SOX5: variants seen among roughly 807,000 people sequenced by gnomAD.
SOX5 encodes transcription factor SOX-5.
In SOX5, 9 loss-of-function variants were observed where a neutral mutation model predicts 92.0. The ratio of observed to expected loss-of-function variants is 0.10; its 90% CI spans 0.06 to 0.17. The LOEUF (loss-of-function observed/expected upper bound fraction) is 0.17, where lower values mean the gene tolerates loss of function less well. SOX5 is among the 10% of genes least tolerant of loss of function. The pLI is 1.00. For synonymous variants in SOX5, 344 were observed against 336.3 expected (o/e 1.02, Z -0.25); for missense variants, 642 against 944.5 (o/e 0.68, Z 4.20).
chr12:24,165,435 T>G (rs1225835670), intron 4 of SOX5, among the ~76,000 whole-genome samples: 2 of 152,200 alleles, frequency 1.3e-5, no homozygotes, highest in Non-Finnish European at 2.9e-5. Context: ...TATCAGACTA[T>G]TCTAGATTAT....
chr12:23,973,388 T>C (rs763710017), intron 4 of SOX5, among the ~76,000 whole-genome samples: 1 of 152,070 alleles, frequency 6.6e-6, no homozygotes, highest in Non-Finnish European at 1.5e-5. Flanking sequence ...CTCGAACTCC[T>C]GACCTCATGA....
intron 2 of SOX5, among the ~76,000 whole-genome samples, chr12:23,895,417 T>C (rs549154021): frequency 7.8e-4 from 118 of 152,174 alleles, no homozygotes; most frequent in African/African-American, 2.6e-3. Flanking sequence ...TTGGAAATGT[T>C]CAAACTATGT....
chr12:24,250,206 T>C (rs2140150327), intron 3 of SOX5, among the ~76,000 whole-genome samples: 1 of 152,350 alleles, frequency 6.6e-6, no homozygotes, highest in East Asian at 1.9e-4. Context: ...GTAAAGTTTT[T>C]GTTCTGTTTA....
At chr12:24,428,726 CAAAAAAAAAAAAAAAAAAAA>C (rs57964050) in intron 1 of SOX5, among the ~76,000 whole-genome samples, 4 of 32,596 alleles carry the variant, frequency 1.2e-4, no homozygotes, top group Admixed American at 5.8e-4. Context: ...CTCTGTTTCT[CAAAAAAAAAAAAAAAAAAAA>C]AAAAAAAAAA....
intron 4 of SOX5, among the ~76,000 whole-genome samples, chr12:24,067,503 T>C (rs2137368902): frequency 6.6e-6 from 1 of 152,272 alleles, no homozygotes; most frequent in East Asian, 1.9e-4. Context: ...TCCTAGAAGT[T>C]AGAATGATTG....
chr12:23,913,341 T>C (rs2097372578), intron 1 of SOX5, among the ~76,000 whole-genome samples: 1 of 152,148 alleles, frequency 6.6e-6, no homozygotes, highest in African/African-American at 2.4e-5. Context: ...ACATGTTTTT[T>C]CTTTTCTTTT....
intron 2 of SOX5, among the ~76,000 whole-genome samples, chr12:24,346,154 G>A (rs1445549226): frequency 6.6e-6 from 1 of 152,118 alleles, no homozygotes; most frequent in Non-Finnish European, 1.5e-5. Context: ...TTGAAATGCG[G>A]GAAAACGAAC....
At chr12:24,081,983 C>A (rs1307973727) in intron 4 of SOX5, among the ~76,000 whole-genome samples, 1 of 151,874 alleles carries the variant, frequency 6.6e-6, no homozygotes, top group Non-Finnish European at 1.5e-5. Context: ...AAAGAATGAA[C>A]CCTGGGATAG....
chr12:23,530,818 T>TGTGTGTGTGTGTGTGTGTGCGCGC lies in SOX5; in HGVS notation c.*3400_*3401insGCGCGCACACACACACACACACAC. Reference sequence around the variant, plus strand: ...GGGCAAGTGTGTGTGTGTGTGTGTGTGCGCGCGCGCGCGCGCGCATGTGAG... The same window carrying TGTGTGTGTGTGTGTGTGTGCGCGC: ...GGGCAAGTGTGTGTGTGTGTGTGTGTGTGTGTGTGTGTGTGTGTGCGCGCGCGCGCGCGCGCGCGCGCATGTGAG... On this transcript the variant is annotated 3_prime_UTR_variant, in exon 15 of 15. Transcript: ENST00000451604. The TGTGTGTGTGTGTGTGTGTGCGCGC allele has an allele frequency of 2.9e-3, 379 of 132,036 alleles. 4 individuals are homozygous for TGTGTGTGTGTGTGTGTGTGCGCGC. Among genetic ancestry groups the TGTGTGTGTGTGTGTGTGTGCGCGC allele is most frequent in the Non-Finnish European group, 4.4e-3 (266 of 60,738 alleles). 8.2% of individuals were successfully genotyped at this position (132,036 alleles called of 1,614,324 possible).
chr12:23,847,234 T>A (rs1390160788), intron 2 of SOX5, among the ~76,000 whole-genome samples: 1 of 152,088 alleles, frequency 6.6e-6, no homozygotes, highest in Non-Finnish European at 1.5e-5. Context: ...TAAAGCTGTA[T>A]CCTAAGATCT....
intron 4 of SOX5, among the ~76,000 whole-genome samples, chr12:24,068,720 A>G (rs867694705): frequency 0.063 from 4,464 of 71,134 alleles, 98 homozygotes; most frequent in Non-Finnish European, 0.081. Context: ...ATATATATAT[A>G]TATATATATA....
intron 6 of SOX5, among the ~76,000 whole-genome samples, chr12:23,667,639 G>A (rs1264268278): frequency 1.3e-5 from 2 of 152,166 alleles, no homozygotes; most frequent in African/African-American, 2.4e-5. Flanking sequence ...CCAAACTTAC[G>A]CTGGAACTGC....
intron 3 of SOX5, among the ~76,000 whole-genome samples, chr12:24,253,082 T>A (rs539158389): frequency 6.6e-6 from 1 of 151,306 alleles, no homozygotes; most frequent in African/African-American, 2.4e-5. Context: ...TACAGAGACA[T>A]TGAGATAAGA....
In SOX5 at chr12:24,547,859, A is replaced by G. The variant is rs547059420; in HGVS notation, c.-251+14470T>C. ...CACAGACAAGTATCAAAATTTATTT[A>G]TACAGTGTTCGTATCCCCTGGCAGA... is the stretch of plus-strand genomic sequence containing the variant. On this transcript the variant is annotated intron_variant, in intron 1 of 4. Coordinates refer to the SOX5 transcript ENST00000446891. Among the ~76,000 whole-genome samples the G allele has an allele frequency of 3.9e-5, 6 of 152,334 alleles. No individual in the cohort carries two copies. The East Asian group carries it at 1.2e-3, about 29-fold the overall frequency.
At chr12:24,271,385 A>G (rs528622375) in intron 3 of SOX5, among the ~76,000 whole-genome samples, 239 of 152,298 alleles carry the variant, frequency 1.6e-3, no homozygotes, top group African/African-American at 5.3e-3. Context: ...AACTTTAACA[A>G]CGACTTGTAG....
At chr12:24,015,039 C>T (rs1009559946) in intron 4 of SOX5, among the ~76,000 whole-genome samples, 7 of 152,030 alleles carry the variant, frequency 4.6e-5, no homozygotes. Context: ...AGGCAGAATT[C>T]ATCATTGTTG....
intron 6 of SOX5, among the ~76,000 whole-genome samples, chr12:23,720,926 A>G (rs1276191147): frequency 6.6e-6 from 1 of 152,162 alleles, no homozygotes; most frequent in Non-Finnish European, 1.5e-5. Context: ...ACCAGAACTA[A>G]GGTAAGACCC....
rs869250917 is a variant in SOX5, at chr12:23,976,406, CAAAAA to C, written c.-1-80387_-1-80383del. ...GAACACTATTAAAAAAACAAAAAAA[CAAAAA>C]AAAAAAAAAAAAAGAAGAGAAGGAA... On this transcript the variant is annotated intron_variant, in intron 4 of 4. Coordinates refer to the SOX5 transcript ENST00000446891. Among the ~76,000 whole-genome samples the C allele has an allele frequency of 1.3e-3, 51 of 37,878 alleles. 1 individual carries two copies. The highest frequency in any genetic ancestry group is 0.048 in the Middle Eastern group (2 of 42). 24.8% of individuals were successfully genotyped at this position (37,878 alleles called of 152,430 possible).
intron 6 of SOX5, among the ~76,000 whole-genome samples, chr12:23,726,608 C>T (rs986151491): frequency 2.0e-5 from 3 of 151,968 alleles, no homozygotes; most frequent in African/African-American, 4.8e-5. Context: ...AATTACATTC[C>T]CAGGGGCGTA....
Sources: allele counts gnomAD v4.1 joint callset (sites outside exome capture counted in the v4.1 genomes callset), GRCh38; gene constraint gnomAD v4.1.1; transcripts MANE v1.5; gene names NCBI Gene and HGNC (gene_info 2026-07-23, HGNC 2026-07-21).